The following GGT7 variants were observed in gnomAD, a reference collection of about 807,000 sequenced individuals.
GGT7 encodes the protein glutathione hydrolase 7.
GGT7 carries 30 observed loss-of-function variants against 69.2 expected under a neutral mutation model. The ratio of observed to expected loss-of-function variants is 0.43; its 90% CI spans 0.32 to 0.59. The LOEUF is 0.59. Ranked by LOEUF, GGT7 falls within the 20% of genes least tolerant of loss-of-function variation. The probability of loss-of-function intolerance (pLI) is 0.05; values close to 1 mark genes in which losing one functional copy is unlikely to be tolerated. For synonymous variants in GGT7, 388 were observed against 391.8 expected, an observed-to-expected ratio of 0.99 and a Z score of 0.12; for missense variants, 733 against 901.1, an observed-to-expected ratio of 0.81 and a Z score of 2.39.
chr20:34,855,983 G>T (rs1197931530), intron 8 of GGT7, among the ~76,000 whole-genome samples: 2 of 152,058 alleles, frequency 1.3e-5, no homozygotes, highest in East Asian at 3.9e-4. Context: ...TATAGAGACG[G>T]TGTCTCACTA....
chr20:34,866,945 G>A (rs964914502), intron 1 of GGT7, among the ~76,000 whole-genome samples: 1 of 152,078 alleles, frequency 6.6e-6, no homozygotes, highest in Non-Finnish European at 1.5e-5. Flanking sequence ...CATAATGCTT[G>A]CCTCTAACCC....
In GGT7 at chr20:34,851,240, G is replaced by A; in HGVS notation, c.1716C>T (p.Gly572=). The change falls in exon 13 of 15, where the codon GGC becomes GGT. Residue 572 remains glycine (G), a synonymous_variant. Transcript: ENST00000336431. ...ATGGCGTAAACCTCACCTGTGTCAGGCCGCTGAGGCCCCGCGCAGCTCCAT... is the reference window on the plus strand; with the variant it reads ...ATGGCGTAAACCTCACCTGTGTCAGACCGCTGAGGCCCCGCGCAGCTCCAT... ...GANGAARGLS[G]LTQVLLNVLT... The A allele has an allele frequency of 6.2e-7, 1 of 1,613,348 alleles. No homozygotes were observed. The highest frequency in any genetic ancestry group is 8.5e-7 in the Non-Finnish European group (1 of 1,179,974).
chr20:34,851,448 A>G (rs183946130), intron 12 of GGT7, 80 bp from the exon 13 acceptor site: 241 of 1,387,240 alleles, frequency 1.7e-4, no homozygotes, highest in Non-Finnish European at 1.6e-4. Flanking sequence ...AACCCTTCCA[A>G]CTGCTCTCCC....
rs768377088 is a variant in GGT7 at position 34,863,452 on chromosome 20, C to A, written c.266G>T (p.Arg89Leu). 8 of 1,612,174 alleles carry A rather than the reference C, an allele frequency of 5.0e-6. No individual in the cohort carries two copies. The highest frequency in any genetic ancestry group is 4.5e-5 in the East Asian group (2 of 44,818). ...SQDGSPLRET[R>L]KDPFSAAAAE... ...CGCTGCGGCGGAGAACGGGTCTTTG[C>A]GCGTCTCGCGTAGCGGCGACCCGTC... is the stretch of plus-strand genomic sequence containing the variant. The change falls in exon 2 of 15, where the codon CGC becomes CTC. Residue 89 changes from arginine to leucine, a missense_variant. Arg to Leu is a moderately radical substitution (Grantham distance 102, BLOSUM62 -2). Coordinates refer to ENST00000336431, the MANE Select transcript of GGT7 (RefSeq NM_178026.3). The surrounding 1 kb of genome is among the most constrained non-coding windows in gnomAD (Gnocchi z 4.4).
At chr20:34,846,858 C>A (rs1164543543) in intron 14 of GGT7, among the ~76,000 whole-genome samples, 1 of 152,158 alleles carries the variant, frequency 6.6e-6, no homozygotes, top group Non-Finnish European at 1.5e-5. Flanking sequence ...ACATTGACCT[C>A]CTTGCTGTCC....
intron 7 of GGT7, 63 bp from the exon 8 acceptor site, chr20:34,856,956 A>C: frequency 1.0e-6 from 1 of 1,001,412 alleles, no homozygotes; most frequent in Non-Finnish European, 1.6e-6. Context: ...TTGGCCTATA[A>C]CACGTTTGGA....
intron 1 of GGT7, among the ~76,000 whole-genome samples, chr20:34,865,486 G>A (rs559457493): frequency 2.0e-5 from 3 of 152,310 alleles, no homozygotes; most frequent in Non-Finnish European, 4.4e-5. Context: ...CACTGCGCCC[G>A]GCCTGTTTTG....
Position 34,872,662 on chromosome 20 carries a change from C to A in GGT7, c.154G>T (p.Gly52Ter). 1 of 1,480,490 alleles carries A rather than the reference C, an allele frequency of 6.8e-7. No individual in the cohort carries two copies. Among genetic ancestry groups the A allele is most frequent in the East Asian group, 2.7e-5 (1 of 36,536 alleles). 91.7% of individuals were successfully genotyped at this position (1,480,490 alleles called of 1,614,324 possible). A position where few individuals can be genotyped will look rare whatever the true frequency, so the allele number is the denominator to read the frequency against. The change falls in exon 1 of 15, where the codon GGA (glycine) becomes TGA (stop). Residue 52 changes from glycine (G) to a stop codon, truncating the protein, a stop_gained. Transcript: ENST00000336431. LOFTEE classifies it high-confidence loss of function. ...CGGGCCTCACCGGTGTCGGGGTCTC[C>A]CAGAAAGGCGTCCTCGTCCTTGCGG... ...RGRKDEDAFL[G>*]DPDTDPDSFL...
At chr20:34,853,950 T>C (rs1051951802) in intron 10 of GGT7, among the ~76,000 whole-genome samples, 5 of 152,170 alleles carry the variant, frequency 3.3e-5, no homozygotes, top group African/African-American at 1.2e-4. Context: ...GTTTGTTTGT[T>C]TTTGGAGACA....
chr20:34,857,295 T>C (rs1220523175), intron 7 of GGT7, among the ~76,000 whole-genome samples: 2 of 152,190 alleles, frequency 1.3e-5, no homozygotes, highest in African/African-American at 4.8e-5. Flanking sequence ...TCTCTCTGCC[T>C]ATGTAAAAGG....
intron 1 of GGT7, among the ~76,000 whole-genome samples, chr20:34,868,116 T>C (rs1421337372): frequency 1.1e-5 from 1 of 93,388 alleles, no homozygotes; most frequent in Non-Finnish European, 2.5e-5. Context: ...TCCGCCCGCC[T>C]TGGCCTCCCA....
At chr20:34,851,440 C>T in intron 12 of GGT7, 72 bp from the exon 13 acceptor site, 1 of 1,433,352 alleles carries the variant, frequency 7.0e-7, no homozygotes, top group South Asian at 1.3e-5. Flanking sequence ...CCCTCCACAA[C>T]CCTTCCAACT....
chr20:34,859,443 C>A lies in GGT7; in HGVS notation c.1014G>T (p.Glu338Asp). Residue 338 changes from glutamate (E) to aspartate (D), a missense_variant and splice_region_variant, in exon 7 of 15, where the codon GAG becomes GAT. Coordinates refer to ENST00000336431, the MANE Select transcript of GGT7 (RefSeq NM_178026.3). ...GGNLTLEMVAEAQHAGGVITE... is the reference protein window; with the variant it reads ...GGNLTLEMVADAQHAGGVITE... ...CCACCCGCACAACACGAGCACTTACCTCGGCCACCATCTCCAGTGTGAGGT... is the reference window on the plus strand; with the variant it reads ...CCACCCGCACAACACGAGCACTTACATCGGCCACCATCTCCAGTGTGAGGT... 6.3e-7 allele frequency: 1 copy of A among 1,577,158 alleles called. No homozygotes were observed. The highest frequency in any genetic ancestry group is 8.7e-7 in the Non-Finnish European group (1 of 1,153,924).
At chr20:34,871,908 A>G (rs948908112) in intron 1 of GGT7, among the ~76,000 whole-genome samples, 3 of 152,132 alleles carry the variant, frequency 2.0e-5, no homozygotes, top group African/African-American at 7.2e-5. Context: ...GTCTCTTCCA[A>G]TCCCTGTCTC....
chr20:34,854,294 T>C (rs949863013), intron 10 of GGT7, among the ~76,000 whole-genome samples: 2 of 152,182 alleles, frequency 1.3e-5, no homozygotes, highest in Admixed American at 6.5e-5. Flanking sequence ...TGGGCTTATA[T>C]AGGTGCTATG....
At chr20:34,848,824 C>T (rs2079340657) in intron 14 of GGT7, among the ~76,000 whole-genome samples, 1 of 152,172 alleles carries the variant, frequency 6.6e-6, no homozygotes, top group South Asian at 2.1e-4. Flanking sequence ...CAGGCAAGGA[C>T]TGTGTCTCAA....
At chr20:34,847,503 G>T (rs771066202) in intron 14 of GGT7, among the ~76,000 whole-genome samples, 8 of 152,172 alleles carry the variant, frequency 5.3e-5, no homozygotes, top group Non-Finnish European at 1.0e-4. Context: ...TTGAGATGAA[G>T]ACCCAATCTT....
chr20:34,867,725 T>A (rs1346614773), intron 1 of GGT7, among the ~76,000 whole-genome samples: 1 of 152,030 alleles, frequency 6.6e-6, no homozygotes, highest in Non-Finnish European at 1.5e-5. Context: ...AAGTAAAATA[T>A]AAAATAAAAT....
chr20:34,856,754 G>A, intron 8 of GGT7, 52 bp downstream of exon 8: 3 of 1,012,986 alleles, frequency 3.0e-6, no homozygotes, highest in Non-Finnish European at 4.6e-6. Context: ...TGTGGCCATG[G>A]ACTGGGAGGC....
Sources: allele counts gnomAD v4.1 joint callset (sites outside exome capture counted in the v4.1 genomes callset), GRCh38; gene constraint gnomAD v4.1.1; non-coding constraint Gnocchi (gnomAD v3.1); transcripts MANE v1.5; gene names NCBI Gene and HGNC (gene_info 2026-07-23, HGNC 2026-07-21).